The following ADAMTS17 variants were observed in gnomAD, a reference collection of about 807,000 sequenced individuals.
ADAMTS17 encodes ADAM metallopeptidase with thrombospondin type 1 motif 17.
In ADAMTS17, 113 loss-of-function variants were observed where a neutral mutation model predicts 141.5. The observed-to-expected ratio is 0.80, with a 90% confidence interval of 0.69 to 0.93. ADAMTS17 has a LOEUF of 0.93. ADAMTS17 is among the 40% of genes least tolerant of loss of function. The pLI is 0.00. For missense variants in ADAMTS17, 1,659 were observed against 1,517.9 expected (o/e 1.09, Z -1.54); for synonymous variants, 768 against 630.6 (o/e 1.22, Z -3.27).
At chr15:100,139,663 T>C (rs901232163) in intron 10 of ADAMTS17, among the ~76,000 whole-genome samples, 1 of 152,240 alleles carries the variant, frequency 6.6e-6, no homozygotes. Flanking sequence ...TAACGAGACA[T>C]AATGACCACA....
intron 8 of ADAMTS17, among the ~76,000 whole-genome samples, chr15:100,160,738 G>A (rs1309757427): frequency 6.6e-6 from 1 of 152,200 alleles, no homozygotes; most frequent in Non-Finnish European, 1.5e-5. Flanking sequence ...AATCAGCCGA[G>A]TGGGATTCTT....
chr15:100,208,193 AG>A (rs991464345), intron 7 of ADAMTS17, among the ~76,000 whole-genome samples: 6 of 152,294 alleles, frequency 3.9e-5, no homozygotes, highest in African/African-American at 1.4e-4. Context: ...GCTCACAAAA[AG>A]GGAGCACTGC....
intron 18 of ADAMTS17, among the ~76,000 whole-genome samples, chr15:100,002,822 A>G (rs1567664741): frequency 2.0e-5 from 3 of 151,822 alleles, no homozygotes; most frequent in Non-Finnish European, 4.4e-5. Flanking sequence ...AACATACCTC[A>G]TGCATCCCTC....
chr15:100,225,177 C>G (rs1335735589), intron 7 of ADAMTS17, among the ~76,000 whole-genome samples: 2 of 152,254 alleles, frequency 1.3e-5, no homozygotes, highest in Non-Finnish European at 2.9e-5. Context: ...ACTTAACCAT[C>G]TTGGTAAAAG....
At chr15:100,103,057 A>G (rs1429266237) in intron 14 of ADAMTS17, among the ~76,000 whole-genome samples, 1 of 152,154 alleles carries the variant, frequency 6.6e-6, no homozygotes, top group Non-Finnish European at 1.5e-5. Flanking sequence ...TTTCACCTGG[A>G]AGCTCCTGCT....
intron 12 of ADAMTS17, among the ~76,000 whole-genome samples, chr15:100,130,932 C>T (rs957873620): frequency 5.3e-5 from 8 of 152,084 alleles, no homozygotes; most frequent in African/African-American, 1.9e-4. Context: ...TTTATTGTGG[C>T]ACTATTCACA....
At chr15:100,340,894 G>A (rs882608) in intron 2 of ADAMTS17, 145 bp downstream of exon 2, 15,566 of 1,277,530 alleles carry the variant, frequency 0.012, 126 homozygotes, top group Admixed American at 0.016. Context: ...GTGGGGGATG[G>A]GGAGAGGTGG....
intron 15 of ADAMTS17, among the ~76,000 whole-genome samples, chr15:100,087,295 T>C (rs530923716): frequency 6.6e-6 from 1 of 152,208 alleles, no homozygotes; most frequent in South Asian, 2.1e-4. Context: ...CAGGAAGAAG[T>C]TGAATCTCTG....
At chr15:100,267,544 T>C (rs1003719861) in intron 4 of ADAMTS17, among the ~76,000 whole-genome samples, 4 of 152,170 alleles carry the variant, frequency 2.6e-5, no homozygotes, top group Non-Finnish European at 5.9e-5. Context: ...ACATTTACTT[T>C]AGATTCAGGG....
chr15:100,109,206 G>A, intron 13 of ADAMTS17, 90 bp from the exon 14 acceptor site: 1 of 1,535,090 alleles, frequency 6.5e-7, no homozygotes, highest in Middle Eastern at 1.7e-4. Flanking sequence ...GGGAAACCCT[G>A]AGGAAGAGAG....
chr15:100,158,156 G>C (rs1287017237), intron 8 of ADAMTS17, among the ~76,000 whole-genome samples: 1 of 152,058 alleles, frequency 6.6e-6, no homozygotes, highest in Non-Finnish European at 1.5e-5. Context: ...CAAAGTGCTG[G>C]GATTACAGGC....
chr15:100,333,655 C>T (rs963355179), intron 2 of ADAMTS17, among the ~76,000 whole-genome samples: 7 of 152,216 alleles, frequency 4.6e-5, no homozygotes, highest in African/African-American at 1.7e-4. Flanking sequence ...TTGCTTCTGG[C>T]CCACGACTGC....
intron 10 of ADAMTS17, among the ~76,000 whole-genome samples, chr15:100,133,723 G>A (rs920337429): frequency 9.2e-5 from 14 of 152,188 alleles, no homozygotes; most frequent in Non-Finnish European, 1.9e-4. Context: ...ACCTCATCAG[G>A]GAGGGCTTGC....
At chr15:100,099,914 GCTGT>G (rs1266372443) in intron 14 of ADAMTS17, among the ~76,000 whole-genome samples, 1 of 152,192 alleles carries the variant, frequency 6.6e-6, no homozygotes, top group Non-Finnish European at 1.5e-5. Flanking sequence ...TCCATCTTTA[GCTGT>G]CTGAGTCCTG....
chr15:100,340,808 C>T (rs2046340035), intron 2 of ADAMTS17, among the ~76,000 whole-genome samples: 1 of 152,202 alleles, frequency 6.6e-6, no homozygotes, highest in African/African-American at 2.4e-5. Context: ...GCGCGGGTTC[C>T]ACGGGCTGCA....
intron 13 of ADAMTS17, among the ~76,000 whole-genome samples, chr15:100,109,474 G>A (rs1242966143): frequency 1.3e-5 from 2 of 151,534 alleles, no homozygotes; most frequent in Non-Finnish European, 2.9e-5. Flanking sequence ...CTCTTATAGC[G>A]AGGGTGTGAA....
chr15:100,225,333 C>G (rs2042259693), intron 7 of ADAMTS17, among the ~76,000 whole-genome samples: 1 of 152,248 alleles, frequency 6.6e-6, no homozygotes, highest in South Asian at 2.1e-4. Flanking sequence ...TGAGTGCCAG[C>G]ACATGGCTCA....
chr15:100,077,211 A>G (rs112188105), intron 15 of ADAMTS17, among the ~76,000 whole-genome samples: 5,649 of 145,766 alleles, frequency 0.039, 396 homozygotes, highest in African/African-American at 0.14. Flanking sequence ...TGGGAGGCTG[A>G]GACAGGTGGA....
At chr15:100,170,148 C>T (rs961208824) in intron 8 of ADAMTS17, among the ~76,000 whole-genome samples, 4 of 152,002 alleles carry the variant, frequency 2.6e-5, no homozygotes, top group African/African-American at 7.3e-5. Context: ...TGGCGGGGGG[C>T]ATGGGGTGGG....
Sources: gnomAD v4.1 joint callset for allele counts (sites outside exome capture counted in the v4.1 genomes callset) on GRCh38, gnomAD v4.1.1 for gene constraint, MANE v1.5 for transcripts, NCBI Gene and HGNC (gene_info 2026-07-23, HGNC 2026-07-21) for gene names.